TENM2: variants seen among roughly 807,000 people sequenced by gnomAD.
TENM2 encodes teneurin transmembrane protein 2, also known as teneurin-2.
A neutral mutation model predicts 245.2 loss-of-function variants in TENM2; 52 were observed. The ratio of observed to expected loss-of-function variants is 0.21; its 90% CI spans 0.17 to 0.27. TENM2 has a LOEUF of 0.27. Among genes scored for constraint, TENM2 ranks in the 10% least tolerant of loss-of-function variants. The probability of loss-of-function intolerance (pLI) is 1.00; values close to 1 mark genes in which losing one functional copy is unlikely to be tolerated. For synonymous variants in TENM2, 1,363 were observed against 1,438.9 expected (o/e 0.95, Z 1.19); for missense variants, 3,046 against 3,666.8 (o/e 0.83, Z 4.37).
At chr5:167,444,309 A>ACT (rs895006013) in intron 2 of TENM2, among the ~76,000 whole-genome samples, 1 of 151,676 alleles carries the variant, frequency 6.6e-6, no homozygotes, top group African/African-American at 2.4e-5. Flanking sequence ...ACACACACAC[A>ACT]CACACACACA....
At chr5:167,733,080 A>C (rs1363097883) in intron 2 of TENM2, among the ~76,000 whole-genome samples, 1 of 151,492 alleles carries the variant, frequency 6.6e-6, no homozygotes, top group African/African-American at 2.4e-5. Flanking sequence ...CTCCAACAGG[A>C]GCATCTCCTC....
chr5:167,790,047 G>T (rs1764840557), intron 2 of TENM2, among the ~76,000 whole-genome samples: 1 of 152,102 alleles, frequency 6.6e-6, no homozygotes. Flanking sequence ...CTGGTTTCTT[G>T]ATTTAACCTC....
Position 168,133,984 on chromosome 5 carries a change from G to A in TENM2, c.2422+7018G>A, listed in dbSNP as rs558836613. 5.9e-5 allele frequency among the ~76,000 whole-genome samples: 9 copies of A among 151,552 alleles called. No individual in the cohort carries two copies. In the East Asian group the frequency reaches 9.8e-4, roughly 17 times the overall value. ...AGCCTGGCCAATATGGTGAAACCCC[G>A]CCTCTACTAAACATACAAAAATTAG... On this transcript the variant is annotated intron_variant, in intron 12 of 28. Coordinates refer to ENST00000518659, the Ensembl canonical transcript of TENM2.
At chr5:167,397,773 T>C (rs1324826636) in intron 2 of TENM2, among the ~76,000 whole-genome samples, 1 of 152,216 alleles carries the variant, frequency 6.6e-6, no homozygotes, top group Non-Finnish European at 1.5e-5. Context: ...CTTGATCTCA[T>C]ATATCTTTGT....
At chr5:167,928,571 G>C (rs773340103) in intron 3 of TENM2, among the ~76,000 whole-genome samples, 2 of 152,020 alleles carry the variant, frequency 1.3e-5, no homozygotes, top group African/African-American at 4.8e-5. Context: ...TCATCCCCTG[G>C]CACAGAAGAG....
the TENM2 span, among the ~76,000 whole-genome samples, chr5:167,228,730 A>T: frequency 6.8e-6 from 1 of 147,988 alleles, no homozygotes; most frequent in South Asian, 2.1e-4. Context: ...TTTGAGATGG[A>T]GTCTCGCTCT....
At chr5:167,204,232 A>T in the TENM2 span, among the ~76,000 whole-genome samples, 1 of 152,112 alleles carries the variant, frequency 6.6e-6, no homozygotes, top group South Asian at 2.1e-4. Flanking sequence ...GGTTAGGGGG[A>T]GAAGAGGGTG....
Position 167,710,822 on chromosome 5 carries a change from A to G in TENM2, c.503-165164A>G, listed in dbSNP as rs1758860863. ...CACTGTGGTATGACAGAAATGCACA[A>G]AACGGGTTTAAGATGAAGACAAGCT... On this transcript the variant is annotated intron_variant, in intron 2 of 28. Coordinates refer to ENST00000518659, the Ensembl canonical transcript of TENM2. 2.0e-5 allele frequency among the ~76,000 whole-genome samples: 3 copies of G among 152,250 alleles called. No individual in the cohort carries two copies. The South Asian group carries it at 6.2e-4, about 31-fold the overall frequency.
the TENM2 span, among the ~76,000 whole-genome samples, chr5:167,203,760 CA>C: frequency 2.1e-4 from 32 of 151,626 alleles, no homozygotes; most frequent in African/African-American, 7.5e-4. Context: ...AATCTATTTT[CA>C]AATTTTTTTT....
At chr5:167,609,515 A>AAAAAAAAAAAAAAAAAAG (rs1582533515) in intron 2 of TENM2, among the ~76,000 whole-genome samples, 1 of 87,764 alleles carries the variant, frequency 1.1e-5, no homozygotes, top group African/African-American at 3.2e-5. Context: ...AAAAAAAACA[A>AAAAAAAAAAAAAAAAAAG]AACCTTACCT....
At chr5:167,742,897 G>C (rs1388304939) in intron 2 of TENM2, among the ~76,000 whole-genome samples, 4 of 152,052 alleles carry the variant, frequency 2.6e-5, no homozygotes, top group Non-Finnish European at 5.9e-5. Flanking sequence ...GAGCCCAGGG[G>C]TTTGATGCTG....
intron 2 of TENM2, among the ~76,000 whole-genome samples, chr5:167,780,863 G>A (rs1349731863): frequency 6.6e-6 from 1 of 152,140 alleles, no homozygotes; most frequent in African/African-American, 2.4e-5. Context: ...CAAATACTGA[G>A]ACCCAACTAC....
the TENM2 span, among the ~76,000 whole-genome samples, chr5:167,029,816 G>A: frequency 1.3e-5 from 2 of 152,106 alleles, no homozygotes; most frequent in African/African-American, 4.8e-5. Flanking sequence ...CAATCATCTT[G>A]CAGGGGTGAA....
chr5:168,131,472 T>A (rs1178615540), intron 12 of TENM2, among the ~76,000 whole-genome samples: 1 of 152,122 alleles, frequency 6.6e-6, no homozygotes, highest in Non-Finnish European at 1.5e-5. Context: ...CCTCTTTAAT[T>A]GGTTGGGGAA....
At chr5:167,101,246 T>C in the TENM2 span, among the ~76,000 whole-genome samples, 13 of 152,334 alleles carry the variant, frequency 8.5e-5, no homozygotes, top group South Asian at 2.7e-3. Context: ...GGAAACAGTA[T>C]ATAGTGTAAT....
the TENM2 span, among the ~76,000 whole-genome samples, chr5:167,000,062 G>GTTTGAT: frequency 1.4e-4 from 22 of 152,280 alleles, no homozygotes; most frequent in Admixed American, 4.6e-4. Context: ...TGTGTTAGAT[G>GTTTGAT]CTGTAGAGGC....
chr5:167,176,862 G>A, the TENM2 span, among the ~76,000 whole-genome samples: 1 of 152,158 alleles, frequency 6.6e-6, no homozygotes, highest in Non-Finnish European at 1.5e-5. Flanking sequence ...GACCCCCGTG[G>A]TTTAATCTGG....
chr5:168,242,319 C>T (rs1766170635), intron 25 of TENM2, among the ~76,000 whole-genome samples: 1 of 152,182 alleles, frequency 6.6e-6, no homozygotes, highest in African/African-American at 2.4e-5. Context: ...CCCCCTCACA[C>T]CCCCAAAGCT....
At chr5:167,284,755 T>C (rs1771240280), upstream of TENM2, 2 of 1,025,588 alleles carry the variant, frequency 2.0e-6, no homozygotes, top group Non-Finnish European at 2.9e-6. Context: ...TTTTCTTCTA[T>C]GTTTTCAGGT....
Sources: gnomAD v4.1 joint callset for allele counts (sites outside exome capture counted in the v4.1 genomes callset) on GRCh38, gnomAD v4.1.1 for gene constraint, MANE v1.5 for transcripts, NCBI Gene and HGNC (gene_info 2026-07-23, HGNC 2026-07-21) for gene names.